CAMTA1: variants seen among roughly 807,000 people sequenced by gnomAD.
CAMTA1 encodes the protein calmodulin-binding transcription activator 1.
A neutral mutation model predicts 170.9 loss-of-function variants in CAMTA1; 27 were observed. That is an observed-to-expected ratio of 0.16 (90% confidence interval 0.12 to 0.22). The LOEUF (loss-of-function observed/expected upper bound fraction) is 0.22, where lower values mean the gene tolerates loss of function less well. Ranked by LOEUF, CAMTA1 falls within the 10% of genes least tolerant of loss-of-function variation. The pLI, the probability that CAMTA1 is intolerant of heterozygous loss-of-function variation, is 1.00. For missense variants in CAMTA1, 1,619 were observed against 2,217.2 expected (o/e 0.73, Z 5.42); for synonymous variants, 833 against 891.5 (o/e 0.93, Z 1.17).
chr1:6,828,736 G>T (rs1343430677), intron 3 of CAMTA1, among the ~76,000 whole-genome samples: 2 of 151,698 alleles, frequency 1.3e-5, no homozygotes, highest in Non-Finnish European at 2.9e-5. Context: ...TTATTTTTTG[G>T]TCAAGAGAGC....
chr1:7,215,883 T>C (rs1573954551), intron 4 of CAMTA1, among the ~76,000 whole-genome samples: 1 of 152,346 alleles, frequency 6.6e-6, no homozygotes, highest in East Asian at 1.9e-4. Flanking sequence ...GAATATTCTA[T>C]GTGTACTTAA....
chr1:7,275,345 C>T (rs1670437908), intron 5 of CAMTA1, among the ~76,000 whole-genome samples: 1 of 151,662 alleles, frequency 6.6e-6, no homozygotes, highest in Non-Finnish European at 1.5e-5. Context: ...TAAACTTTTA[C>T]ATGTAGAAGC....
At chr1:7,207,151 A>G (rs757833602) in intron 4 of CAMTA1, among the ~76,000 whole-genome samples, 37 of 152,238 alleles carry the variant, frequency 2.4e-4, no homozygotes, top group Non-Finnish European at 4.6e-4. Context: ...ATTATCAACA[A>G]TCAGCATCCA....
At chr1:7,652,369 G>A (rs1259762500) in intron 7 of CAMTA1, among the ~76,000 whole-genome samples, 1 of 151,978 alleles carries the variant, frequency 6.6e-6, no homozygotes, top group African/African-American at 2.4e-5. Context: ...CTGCCTCCCA[G>A]TTCCTCCCGT....
chr1:7,222,456 A>C (rs1201912482), intron 4 of CAMTA1, among the ~76,000 whole-genome samples: 2 of 152,130 alleles, frequency 1.3e-5, no homozygotes, highest in Non-Finnish European at 2.9e-5. Flanking sequence ...TGTTGACTAC[A>C]AAATAGGATA....
At position 7,716,770 on chromosome 1, in the gene CAMTA1, G is replaced by A. The variant is rs1049004366; in HGVS notation, c.2915-15678G>A. Among the ~76,000 whole-genome samples, 17 of 152,108 alleles carry A rather than the reference G, an allele frequency of 1.1e-4. 1 individual carries two copies. The highest frequency in any genetic ancestry group is 2.1e-4 in the South Asian group (1 of 4,822). On this transcript the variant is annotated intron_variant, in intron 11 of 22. Coordinates refer to ENST00000303635, the MANE Select transcript of CAMTA1 (RefSeq NM_015215.4). ...GAGGATCCAGCAATCCCACCACTGCGTCTGTAGCCAAAGGAAATGAAATTA... is the reference window on the plus strand; with the variant it reads ...GAGGATCCAGCAATCCCACCACTGCATCTGTAGCCAAAGGAAATGAAATTA...
chr1:7,756,887 T>C (rs952996921), intron 22 of CAMTA1, among the ~76,000 whole-genome samples: 4 of 152,136 alleles, frequency 2.6e-5, no homozygotes, highest in Non-Finnish European at 5.9e-5. Context: ...ACGCCAGGAA[T>C]AGAATTCATC....
chr1:7,503,828 C>T lies in CAMTA1; in HGVS notation c.510+35927C>T, dbSNP rs368372992. On this transcript the variant is annotated intron_variant, in intron 6 of 22. Transcript: ENST00000303635. ...ATGCTGTGCCCACCACACCTGCTGA[C>T]GGAGTTCCCTGCAAGTGTGACGCAT... 1.1e-4 allele frequency among the ~76,000 whole-genome samples: 17 copies of T among 152,338 alleles called. No individual in the cohort carries two copies. In the East Asian group the frequency reaches 1.9e-3, roughly 17 times the overall value.
chr1:7,538,357 T>C (rs910806419), intron 6 of CAMTA1, among the ~76,000 whole-genome samples: 1 of 144,116 alleles, frequency 6.9e-6, no homozygotes, highest in Admixed American at 6.6e-5. Context: ...ATGTATTCTT[T>C]TCATTAAAAA....
intron 3 of CAMTA1, among the ~76,000 whole-genome samples, chr1:6,913,165 G>T (rs1027233066): frequency 6.6e-6 from 1 of 152,206 alleles, no homozygotes; most frequent in African/African-American, 2.4e-5. Flanking sequence ...GTGGAGGAAG[G>T]GGTCGTATTT....
In CAMTA1 at chr1:7,010,269, C is replaced by T. The variant is rs1165031227; in HGVS notation, c.235-81035C>T. On this transcript the variant is annotated intron_variant, in intron 3 of 22. Transcript: ENST00000303635. This position sits in a 1 kb window ranked among gnomAD's most constrained non-coding sequence, Gnocchi z 4.4. ...GGAGTGTCAGAACGAGGACCAGGAC[C>T]CCAGGGCCGGCTCCTGGGCCGCCCC... 6.6e-6 allele frequency among the ~76,000 whole-genome samples: 1 copy of T among 152,110 alleles called. No individual in the cohort carries two copies. Among genetic ancestry groups the T allele is most frequent in the East Asian group, 1.9e-4 (1 of 5,158 alleles).
rs532645622 is a variant in CAMTA1, at chr1:7,348,944, G to A, written c.438+99318G>A. ...TTTCCTCACCTTCTGGGTCTTCTTC[G>A]GGCTCTCCTGGAGTCCTGTGTGTTA... On this transcript the variant is annotated intron_variant, in intron 5 of 22. Coordinates refer to ENST00000303635, the MANE Select transcript of CAMTA1 (RefSeq NM_015215.4). Among the ~76,000 whole-genome samples the A allele has an allele frequency of 9.2e-5, 14 of 152,162 alleles. No homozygotes were observed. In the South Asian group the frequency reaches 1.9e-3, roughly 20 times the overall value.
rs769303475 is a variant in CAMTA1, at chr1:7,293,812, G to A, written c.438+44186G>A. ...GCTGCCCAGGGTTTCCAGCTCTCCC[G>A]TGCCCCTCGCTTTTCTCTGAAAACT... On this transcript the variant is annotated intron_variant, in intron 5 of 22. Coordinates refer to ENST00000303635, the MANE Select transcript of CAMTA1 (RefSeq NM_015215.4). The surrounding 1 kb of genome is among the most constrained non-coding windows in gnomAD (Gnocchi z 4.1). Among the ~76,000 whole-genome samples, 1 of 152,204 alleles carries A rather than the reference G, an allele frequency of 6.6e-6. No homozygotes were observed. Among genetic ancestry groups the A allele is most frequent in the Non-Finnish European group, 1.5e-5 (1 of 68,042 alleles).
At chr1:7,192,789 G>A (rs996536804) in intron 4 of CAMTA1, among the ~76,000 whole-genome samples, 7 of 152,218 alleles carry the variant, frequency 4.6e-5, no homozygotes, top group African/African-American at 7.2e-5. Context: ...CAATGACAGG[G>A]TTAGGATCTG....
At chr1:7,434,469 ATT>A (rs1170079822) in intron 5 of CAMTA1, among the ~76,000 whole-genome samples, 1 of 152,036 alleles carries the variant, frequency 6.6e-6, no homozygotes, top group African/African-American at 2.4e-5. Context: ...TCATTCATTC[ATT>A]CATTCATTCA....
chr1:6,980,164 C>T (rs1694186376), intron 3 of CAMTA1, among the ~76,000 whole-genome samples: 1 of 152,172 alleles, frequency 6.6e-6, no homozygotes, highest in African/African-American at 2.4e-5. Flanking sequence ...CTTTGCTCAC[C>T]TGCAGCTGTG....
intron 5 of CAMTA1, among the ~76,000 whole-genome samples, chr1:7,308,736 A>G (rs368899722): frequency 2.6e-5 from 4 of 152,172 alleles, no homozygotes; most frequent in East Asian, 3.8e-4. Context: ...GGTTTGTTTT[A>G]TGACTCAAGA....
rs185877018 is a variant in CAMTA1, at chr1:7,645,825, T to C, written c.664+5272T>C. ...CTACGCCCACACCACACAAGTGCTCTGTGCACCTCCATGCTTCTGCACGGG... is the reference window on the plus strand; with the variant it reads ...CTACGCCCACACCACACAAGTGCTCCGTGCACCTCCATGCTTCTGCACGGG... On this transcript the variant is annotated intron_variant, in intron 7 of 22. Transcript: ENST00000303635. Among the ~76,000 whole-genome samples, 573 of 152,392 alleles carry C rather than the reference T, an allele frequency of 3.8e-3. 2 individuals carry two copies. The highest frequency in any genetic ancestry group is 0.013 in the African/African-American group (548 of 41,602).
rs193117669 is a variant in CAMTA1, at chr1:7,237,716, G to A, written c.303-11775G>A. Among the ~76,000 whole-genome samples the A allele has an allele frequency of 8.0e-4, 122 of 152,266 alleles. 3 individuals are homozygous for A. In the South Asian group the frequency reaches 0.014, roughly 18 times the overall value. On this transcript the variant is annotated intron_variant, in intron 4 of 22. Transcript: ENST00000303635. ...AATTTGAAAAAGATCACTCCCTAAAGTGATAGGTGAGTCTGTGAGCTGCAA... is the reference window on the plus strand; with the variant it reads ...AATTTGAAAAAGATCACTCCCTAAAATGATAGGTGAGTCTGTGAGCTGCAA...
Sources: gnomAD v4.1 joint callset for allele counts (sites outside exome capture counted in the v4.1 genomes callset) on GRCh38, gnomAD v4.1.1 for gene constraint, Gnocchi (gnomAD v3.1) non-coding constraint, MANE v1.5 for transcripts, NCBI Gene and HGNC (gene_info 2026-07-23, HGNC 2026-07-21) for gene names.